DCLK2: variants seen among roughly 807,000 people sequenced by gnomAD.
DCLK2 encodes the protein serine/threonine-protein kinase DCLK2.
A neutral mutation model predicts 78.4 loss-of-function variants in DCLK2; 31 were observed. The ratio of observed to expected loss-of-function variants is 0.40; its 90% CI spans 0.30 to 0.53. DCLK2 has a LOEUF of 0.53. Ranked by LOEUF, DCLK2 falls within the 20% of genes least tolerant of loss-of-function variation. The pLI is 0.61. For synonymous variants in DCLK2, 407 were observed against 374.9 expected, an observed-to-expected ratio of 1.09 and a Z score of -0.99; for missense variants, 872 against 973.7, an observed-to-expected ratio of 0.90 and a Z score of 1.39.
chr4:150,245,440 A>G (rs1305098261), intron 12 of DCLK2, among the ~76,000 whole-genome samples: 2 of 152,122 alleles, frequency 1.3e-5, no homozygotes, highest in Non-Finnish European at 2.9e-5. Context: ...ACATATGTAT[A>G]CATGCGTCAT....
intron 4 of DCLK2, chr4:150,198,919 C>CCA (rs1553967948): frequency 3.2e-6 from 2 of 617,344 alleles, no homozygotes; most frequent in South Asian, 4.5e-5. Flanking sequence ...CACCCCCCCC[C>CCA]CCACTTTCTG....
intron 1 of DCLK2, among the ~76,000 whole-genome samples, chr4:150,098,758 C>T (rs952714652): frequency 3.4e-5 from 5 of 149,170 alleles, no homozygotes; most frequent in South Asian, 2.1e-4. Context: ...TGCAGTGGCA[C>T]GGTCTTGGCT....
At chr4:150,093,282 A>G (rs1280544450) in intron 1 of DCLK2, among the ~76,000 whole-genome samples, 1 of 152,250 alleles carries the variant, frequency 6.6e-6, no homozygotes, top group African/African-American at 2.4e-5. Flanking sequence ...ACATGGATAG[A>G]CATCCTGTGT....
intron 10 of DCLK2, among the ~76,000 whole-genome samples, chr4:150,236,604 A>C (rs780463489): frequency 4.6e-5 from 7 of 152,022 alleles, no homozygotes; most frequent in Non-Finnish European, 1.0e-4. Context: ...TCATCTAGTC[A>C]CCTCTTTATT....
At chr4:150,098,537 A>G (rs924157884) in intron 1 of DCLK2, among the ~76,000 whole-genome samples, 1 of 152,104 alleles carries the variant, frequency 6.6e-6, no homozygotes, top group African/African-American at 2.4e-5. Flanking sequence ...TTATTTCAAT[A>G]GCTTTTGGGG....
rs549115345 is a variant in DCLK2 at position 150,112,487 on chromosome 4, TGTTGTCC to T, written c.756+9676_756+9682del. 1.5e-3 allele frequency among the ~76,000 whole-genome samples: 235 copies of T among 152,290 alleles called. 7 individuals are homozygous for T. The South Asian group carries it at 0.047, about 30-fold the overall frequency. On this transcript the variant is annotated intron_variant, in intron 2 of 15. Coordinates refer to ENST00000296550, the MANE Select transcript of DCLK2 (RefSeq NM_001040260.4). ...GAATAGAAGTGGTAAAAGTAGGCAT[TGTTGTCC>T]TGTTCCAGTTCTTAGGAGGAATCCT...
At chr4:150,194,170 C>T (rs1380382078) in intron 3 of DCLK2, among the ~76,000 whole-genome samples, 1 of 152,024 alleles carries the variant, frequency 6.6e-6, no homozygotes, top group East Asian at 1.9e-4. Flanking sequence ...AGGATTTTTA[C>T]AATACCTTCT....
chr4:150,232,549 A>G, intron 9 of DCLK2, 93 bp downstream of exon 9: 1 of 1,544,274 alleles, frequency 6.5e-7, no homozygotes, highest in Non-Finnish European at 8.8e-7. Flanking sequence ...CTACCTCATA[A>G]CTTTCATTAT....
chr4:150,227,446 G>A (rs1741703105), intron 8 of DCLK2, among the ~76,000 whole-genome samples: 1 of 152,200 alleles, frequency 6.6e-6, no homozygotes, highest in African/African-American at 2.4e-5. Flanking sequence ...GACCAGTGAA[G>A]ATGCTATAGA....
chr4:150,111,020 A>G (rs1294173527), intron 2 of DCLK2, among the ~76,000 whole-genome samples: 1 of 152,200 alleles, frequency 6.6e-6, no homozygotes. Context: ...TTGTTGGATC[A>G]AATGGTAGAT....
chr4:150,190,244 T>TAGAC (rs766334131), intron 2 of DCLK2, among the ~76,000 whole-genome samples: 19,109 of 64,196 alleles, frequency 0.3, 1,654 homozygotes, highest in Non-Finnish European at 0.31. Flanking sequence ...GTTAGATAGA[T>TAGAC]AGATAGATAG....
chr4:150,237,432 T>A (rs184873718), intron 10 of DCLK2, among the ~76,000 whole-genome samples: 7 of 152,304 alleles, frequency 4.6e-5, no homozygotes, highest in Admixed American at 4.6e-4. Context: ...ATCCTCATCA[T>A]TACTCCTGTG....
At chr4:150,107,810 T>A (rs979422938) in intron 2 of DCLK2, among the ~76,000 whole-genome samples, 2 of 152,014 alleles carry the variant, frequency 1.3e-5, no homozygotes, top group Non-Finnish European at 2.9e-5. Flanking sequence ...GAATTGAAAG[T>A]GAAGTGTAAG....
intron 2 of DCLK2, among the ~76,000 whole-genome samples, chr4:150,122,696 T>C (rs1443063154): frequency 1.3e-5 from 2 of 152,202 alleles, no homozygotes; most frequent in African/African-American, 2.4e-5. Context: ...AGCACGTGTA[T>C]ACCTATGTAA....
intron 15 of DCLK2, among the ~76,000 whole-genome samples, chr4:150,253,065 G>A (rs765078079): frequency 1.5e-4 from 23 of 151,692 alleles, no homozygotes; most frequent in South Asian, 4.2e-4. Context: ...CGATGCTGCT[G>A]TATTGTCCTC....
At chr4:150,235,415 A>G (rs1178500975) in intron 10 of DCLK2, among the ~76,000 whole-genome samples, 1 of 152,228 alleles carries the variant, frequency 6.6e-6, no homozygotes, top group African/African-American at 2.4e-5. Flanking sequence ...CTCCAACATC[A>G]TGAGTCTCAG....
At chr4:150,106,673 T>A (rs1731278705) in intron 2 of DCLK2, among the ~76,000 whole-genome samples, 1 of 152,210 alleles carries the variant, frequency 6.6e-6, no homozygotes, top group South Asian at 2.1e-4. Context: ...TCATGACACC[T>A]GTGTGAGAGT....
intron 12 of DCLK2, among the ~76,000 whole-genome samples, chr4:150,242,074 T>C (rs1409422469): frequency 6.6e-6 from 1 of 152,220 alleles, no homozygotes. Flanking sequence ...TACAGAAAAG[T>C]TGAAAGGATT....
intron 2 of DCLK2, among the ~76,000 whole-genome samples, chr4:150,118,595 A>G (rs1560786911): frequency 6.6e-6 from 1 of 151,702 alleles, no homozygotes; most frequent in Non-Finnish European, 1.5e-5. Context: ...ATGCTCAAGT[A>G]CATTTGCATT....
Sources: allele counts gnomAD v4.1 joint callset (sites outside exome capture counted in the v4.1 genomes callset), GRCh38; gene constraint gnomAD v4.1.1; transcripts MANE v1.5; gene names NCBI Gene and HGNC (gene_info 2026-07-23, HGNC 2026-07-21).